HOOK1: variants seen among roughly 807,000 people sequenced by gnomAD.
The protein encoded by HOOK1 is protein Hook homolog 1.
A neutral mutation model predicts 112.8 loss-of-function variants in HOOK1; 60 were observed. That is an observed-to-expected ratio of 0.53 (90% CI 0.43 to 0.66). The LOEUF is 0.66. HOOK1 is among the 30% of genes least tolerant of loss of function. HOOK1 has a pLI of 0.00. For missense variants in HOOK1, 770 were observed against 856.0 expected, an observed-to-expected ratio of 0.90 and a Z score of 1.25; for synonymous variants, 294 against 283.8, an observed-to-expected ratio of 1.04 and a Z score of -0.36.
At chr1:59,869,705 C>T (rs1316617707) in intron 20 of HOOK1, among the ~76,000 whole-genome samples, 4 of 152,200 alleles carry the variant, frequency 2.6e-5, no homozygotes, top group Admixed American at 2.0e-4. Context: ...CAACCCGATA[C>T]GCCCTTGCTA....
At chr1:59,849,904 A>G (rs2098406229) in intron 12 of HOOK1, among the ~76,000 whole-genome samples, 1 of 151,626 alleles carries the variant, frequency 6.6e-6, no homozygotes, top group African/African-American at 2.4e-5. Context: ...TTTGGCTGTT[A>G]TGAATAATGC....
Position 59,860,170 on chromosome 1 carries a change from T to A in HOOK1, c.1392-18T>A, listed in dbSNP as rs189793080. The stretch of plus-strand genomic sequence containing the variant: ...CATATTTTTAAAAATTAAAAAAGAT[T>A]TTGCTTTGTAACATCAGGGAGGTGT... On this transcript the variant is annotated intron_variant, in intron 14 of 21. Coordinates refer to ENST00000371208, the MANE Select transcript of HOOK1 (RefSeq NM_015888.6). 1.6e-3 allele frequency: 2,503 copies of A among 1,548,706 alleles called. 23 individuals are homozygous for A. The highest frequency in any genetic ancestry group is 0.012 in the South Asian group (977 of 80,146).
chr1:59,818,790 A>G (rs2098383428), intron 1 of HOOK1, among the ~76,000 whole-genome samples: 1 of 152,178 alleles, frequency 6.6e-6, no homozygotes, highest in South Asian at 2.1e-4. Context: ...TAAAACTTAA[A>G]GCAATGGTTG....
intron 15 of HOOK1, among the ~76,000 whole-genome samples, chr1:59,860,765 TTTC>T (rs1284472208): frequency 6.8e-5 from 10 of 146,414 alleles, no homozygotes; most frequent in Non-Finnish European, 1.3e-4. Flanking sequence ...TTGTATTTGT[TTTC>T]TTCTCTTTCT....
chr1:59,840,651 A>G (rs1005989930), intron 8 of HOOK1, among the ~76,000 whole-genome samples: 3 of 152,110 alleles, frequency 2.0e-5, no homozygotes, highest in African/African-American at 7.2e-5. Flanking sequence ...TTAGATAAGA[A>G]CTCAGTTTTC....
chr1:59,825,136 A>G (rs1197703384), intron 2 of HOOK1, among the ~76,000 whole-genome samples: 1 of 152,168 alleles, frequency 6.6e-6, no homozygotes, highest in Non-Finnish European at 1.5e-5. Context: ...TTATAAGGGC[A>G]CCAGACATAT....
intron 4 of HOOK1, among the ~76,000 whole-genome samples, 183 bp downstream of exon 4, chr1:59,832,396 T>G (rs2098394644): frequency 6.6e-6 from 1 of 152,132 alleles, no homozygotes; most frequent in Non-Finnish European, 1.5e-5. Flanking sequence ...TATATTGATT[T>G]GTAAGATAAC....
intron 19 of HOOK1, among the ~76,000 whole-genome samples, chr1:59,866,388 T>C (rs1643965486): frequency 6.6e-6 from 1 of 152,316 alleles, no homozygotes; most frequent in African/African-American, 2.4e-5. Context: ...TATTTGAAAT[T>C]GTTGTAGCAT....
intron 20 of HOOK1, among the ~76,000 whole-genome samples, chr1:59,869,499 G>A (rs1644020094): frequency 6.6e-6 from 1 of 152,060 alleles, no homozygotes; most frequent in South Asian, 2.1e-4. Flanking sequence ...GCTGTATTCA[G>A]TTTCTTTTTA....
In HOOK1 at chr1:59,815,162, C is replaced by T; in HGVS notation, c.45C>T (p.Cys15=). ...CGCCGCAGCCTAAGCTGCCCCTGTG[C>T]GACAGCCTCATGATCTGGGTGAGTG... The part of the protein sequence containing the change: ...QPPPQPKLPL[C]DSLMIWLQTF... The change falls in exon 1 of 22, where the codon TGC becomes TGT. Residue 15 remains cysteine (C), a synonymous_variant. Coordinates refer to ENST00000371208, the MANE Select transcript of HOOK1 (RefSeq NM_015888.6). 6.5e-7 allele frequency: 1 copy of T among 1,543,840 alleles called. No individual in the cohort carries two copies. Among genetic ancestry groups the T allele is most frequent in the South Asian group, 1.2e-5 (1 of 84,028 alleles).
chr1:59,822,985 T>TA (rs1477902451), intron 2 of HOOK1, among the ~76,000 whole-genome samples: 1 of 152,194 alleles, frequency 6.6e-6, no homozygotes, highest in Admixed American at 6.5e-5. Context: ...ACAGTTATTG[T>TA]AAAACATACC....
chr1:59,841,433 C>T (rs1029628407), intron 8 of HOOK1, among the ~76,000 whole-genome samples: 1 of 152,038 alleles, frequency 6.6e-6, no homozygotes, highest in Non-Finnish European at 1.5e-5. Context: ...AAGGAAAAGA[C>T]TTGGTTAGGG....
intron 12 of HOOK1, among the ~76,000 whole-genome samples, chr1:59,854,015 TATATATATATATATATA>T (rs2098408744): frequency 1.4e-4 from 3 of 21,046 alleles, no homozygotes; most frequent in African/African-American, 6.0e-4. Flanking sequence ...TATATATATA[TATATATATATATATATA>T]TATATATTTT....
chr1:59,823,800 G>A (rs770504749), intron 2 of HOOK1, among the ~76,000 whole-genome samples: 5 of 152,142 alleles, frequency 3.3e-5, no homozygotes, highest in Non-Finnish European at 7.4e-5. Flanking sequence ...CCCTCTCTGT[G>A]CTTTTTCTTT....
At chr1:59,816,040 A>G (rs3767996) in intron 1 of HOOK1, among the ~76,000 whole-genome samples, 54,823 of 151,948 alleles carry the variant, frequency 0.36, 10,464 homozygotes, top group African/African-American at 0.46. Flanking sequence ...TATTGAGTAA[A>G]GATGGTGTTT....
At chr1:59,856,019 A>G (rs1418026905) in intron 12 of HOOK1, among the ~76,000 whole-genome samples, 5 of 109,732 alleles carry the variant, frequency 4.6e-5, no homozygotes, top group Non-Finnish European at 7.1e-5. Flanking sequence ...TTGTAGAGAC[A>G]GGGTTTGCCA....
intron 19 of HOOK1, among the ~76,000 whole-genome samples, chr1:59,867,368 A>G (rs1324695794): frequency 1.3e-5 from 2 of 152,202 alleles, no homozygotes; most frequent in Non-Finnish European, 2.9e-5. Flanking sequence ...CTCATCTGCC[A>G]GTATCTACCA....
intron 3 of HOOK1, among the ~76,000 whole-genome samples, chr1:59,830,039 G>C (rs1246017922): frequency 3.3e-5 from 5 of 151,788 alleles, no homozygotes; most frequent in Admixed American, 1.3e-4. Context: ...TTTATTTATT[G>C]GTTTCTAATA....
chr1:59,863,723 T>TA, intron 16 of HOOK1: 1 of 293,284 alleles, frequency 3.4e-6, no homozygotes, highest in Non-Finnish European at 5.1e-6. Flanking sequence ...CTTTGCAGAG[T>TA]AAAGAGATGA....
Sources: allele counts gnomAD v4.1 joint callset (sites outside exome capture counted in the v4.1 genomes callset), GRCh38; gene constraint gnomAD v4.1.1; transcripts MANE v1.5; gene names NCBI Gene and HGNC (gene_info 2026-07-23, HGNC 2026-07-21).